CCDC186: variants seen among roughly 807,000 people sequenced by gnomAD.
The protein encoded by CCDC186 is coiled-coil domain containing 186, also known as coiled-coil domain-containing protein 186.
In CCDC186, 49 loss-of-function variants were observed where a neutral mutation model predicts 113.7. That is an observed-to-expected ratio of 0.43 (90% CI 0.34 to 0.55). The LOEUF (loss-of-function observed/expected upper bound fraction) is 0.55. Among genes scored for constraint, CCDC186 ranks in the 20% least tolerant of loss-of-function variants. The pLI is 0.02. For synonymous variants in CCDC186, 355 were observed against 345.8 expected, an observed-to-expected ratio of 1.03 and a Z score of -0.30; for missense variants, 890 against 1,011.1, an observed-to-expected ratio of 0.88 and a Z score of 1.62.
At chr10:114,172,179 CTG>C (rs1281432100) in intron 1 of CCDC186, among the ~76,000 whole-genome samples, 1 of 152,178 alleles carries the variant, frequency 6.6e-6, no homozygotes. Flanking sequence ...TAACACGAAA[CTG>C]TTGCATGAAT....
chr10:114,170,144 C>T (rs571307247), intron 1 of CCDC186, among the ~76,000 whole-genome samples: 70 of 152,062 alleles, frequency 4.6e-4, no homozygotes, highest in African/African-American at 1.6e-3. Context: ...TGTTGTTTCA[C>T]ATGATGAAAA....
chr10:114,150,992 A>G, intron 4 of CCDC186, 100 bp downstream of exon 4: 2 of 1,388,716 alleles, frequency 1.4e-6, no homozygotes, highest in Non-Finnish European at 2.0e-6. Flanking sequence ...TAGTATTAAT[A>G]CAATAGTGAG....
intron 6 of CCDC186, 64 bp downstream of exon 6, chr10:114,144,433 A>G: frequency 1.3e-6 from 2 of 1,546,570 alleles, no homozygotes; most frequent in Non-Finnish European, 1.7e-6. Context: ...AAAAAAAAAC[A>G]AAAACAAAAA....
In CCDC186 at chr10:114,131,264, T is replaced by C. The variant is rs1041047897; in HGVS notation, c.1984A>G (p.Arg662Gly). 7 of 1,604,486 alleles carry C rather than the reference T, an allele frequency of 4.4e-6. No homozygotes were observed. Among genetic ancestry groups the C allele is most frequent in the South Asian group, 1.1e-5 (1 of 89,244 alleles). ...VQTLQAELAC[R>G]QTEVKALSTQ... The stretch of plus-strand genomic sequence containing the variant: ...CTCAATGCTTTAACTTCTGTTTGTC[T>C]ACAAGCGAGTTCAGCTTGCAGAGTT... Residue 662 changes from arginine (R) to glycine (G), a missense_variant, in exon 12 of 16, where the codon AGA becomes GGA. Transcript: ENST00000369287.
intron 3 of CCDC186, among the ~76,000 whole-genome samples, chr10:114,156,630 G>A (rs2032019127): frequency 6.6e-6 from 1 of 152,182 alleles, no homozygotes; most frequent in South Asian, 2.1e-4. Flanking sequence ...CCGAGGCTGA[G>A]GCAGAAGAAT....
At chr10:114,125,861 G>C in intron 15 of CCDC186, 25 bp downstream of exon 15, 2 of 1,585,704 alleles carry the variant, frequency 1.3e-6, no homozygotes, top group Non-Finnish European at 1.7e-6. Context: ...TTACTGGTTG[G>C]TGTGTGAATG....
intron 6 of CCDC186, among the ~76,000 whole-genome samples, chr10:114,141,407 GT>G (rs2031462492): frequency 6.6e-6 from 1 of 152,178 alleles, no homozygotes; most frequent in Admixed American, 6.5e-5. Context: ...TGCTTTTAAA[GT>G]TTTGTTAAGG....
In CCDC186 at chr10:114,162,859, G is replaced by C; in HGVS notation, c.410C>G (p.Ser137Ter). The C allele has an allele frequency of 6.2e-7, 1 of 1,613,912 alleles. No individual in the cohort carries two copies. Among genetic ancestry groups the C allele is most frequent in the East Asian group, 2.2e-5 (1 of 44,850 alleles). The change falls in exon 2 of 16, where the codon TCA becomes TGA. Residue 137 changes from serine (S) to a stop codon, truncating the protein, a stop_gained. Coordinates refer to ENST00000369287, the MANE Select transcript of CCDC186 (RefSeq NM_018017.4). LOFTEE classifies it high-confidence loss of function. ...GCAGTCTGTATCATAGGGGCTTTCT[G>C]AATAAGTCTTTTCATTAGCTGATTC... ...FPESANEKTY[S>*]ESPYDTDCTK...
At chr10:114,165,275 A>G (rs950735373) in intron 1 of CCDC186, among the ~76,000 whole-genome samples, 2 of 152,266 alleles carry the variant, frequency 1.3e-5, no homozygotes. Flanking sequence ...AGACAATACA[A>G]ATAAACGGAG....
chr10:114,135,240 T>G (rs1487106435), intron 9 of CCDC186, among the ~76,000 whole-genome samples, 185 bp from the exon 10 acceptor site: 1 of 152,158 alleles, frequency 6.6e-6, no homozygotes, highest in Non-Finnish European at 1.5e-5. Context: ...CATGGGAGTT[T>G]TAGCATGTCA....
At position 114,131,309 on chromosome 10, in the gene CCDC186, G is replaced by C. The variant is rs745883331; in HGVS notation, c.1939C>G (p.Leu647Val). The change falls in exon 12 of 16, where the codon CTG (leucine) becomes GTG (valine). Residue 647 changes from leucine (L) to valine (V), a missense_variant. By Grantham distance (32) the Leu-to-Val change is conservative. Coordinates refer to ENST00000369287, the MANE Select transcript of CCDC186 (RefSeq NM_018017.4). ...AGAGTTTGGACTTCCTCTTTTCGCA[G>C]TTCTTCCTCTTTCAACAACCTACTT... ...LESRLLKEEELRKEEVQTLQA... is the reference protein window; with the variant it reads ...LESRLLKEEEVRKEEVQTLQA... 3 of 1,586,722 alleles carry C rather than the reference G, an allele frequency of 1.9e-6. No homozygotes were observed. The highest frequency in any genetic ancestry group is 1.4e-5 in the African/African-American group (1 of 73,278).
At chr10:114,144,776 A>G (rs1266318688) in intron 5 of CCDC186, among the ~76,000 whole-genome samples, 160 bp from the exon 6 acceptor site, 3 of 152,160 alleles carry the variant, frequency 2.0e-5, no homozygotes, top group Non-Finnish European at 4.4e-5. Context: ...AAATGAGAAG[A>G]GGGTAGTAAA....
intron 2 of CCDC186, among the ~76,000 whole-genome samples, chr10:114,159,640 CAAAAAAAA>C (rs34339225): frequency 3.6e-5 from 2 of 55,484 alleles, no homozygotes; most frequent in East Asian, 7.1e-4. Flanking sequence ...GACTCCGTCT[CAAAAAAAA>C]AAAAAAAAAA....
rs1405621744 is a variant in CCDC186 at position 114,162,741 on chromosome 10, T to C, written c.528A>G (p.Ala176=). ...IESELLSTEF[A]EHRVPNGMNK... is the part of the protein sequence containing the mutation. ...TCATTCCATTTGGTACTCGATGTTC[T>C]GCAAACTCCGTAGATAAGAGCTCAG... Residue 176 remains alanine, a synonymous_variant, in exon 2 of 16, where the codon GCA becomes GCG. Transcript: ENST00000369287. 8.1e-6 allele frequency: 13 copies of C among 1,614,004 alleles called. No homozygotes were observed. Among genetic ancestry groups the C allele is most frequent in the Non-Finnish European group, 1.1e-5 (13 of 1,179,922 alleles).
At chr10:114,172,777 TC>T (rs2119819902) in intron 1 of CCDC186, among the ~76,000 whole-genome samples, 1 of 152,300 alleles carries the variant, frequency 6.6e-6, no homozygotes, top group East Asian at 1.9e-4. Flanking sequence ...ACCTAGCCAA[TC>T]ATTACTGTTT....
rs1211192933 is a variant in CCDC186 at position 114,121,716 on chromosome 10, G to A, written c.*3427C>T. On this transcript the variant is annotated 3_prime_UTR_variant, in exon 16 of 16. Coordinates refer to ENST00000369287, the MANE Select transcript of CCDC186 (RefSeq NM_018017.4). ...TGAGATTTCTGGGCCACTTGCACAA[G>A]TAGATAAACCCTCTTCTCAGGCCAG... The A allele has an allele frequency of 6.6e-6, 1 of 152,170 alleles. No individual in the cohort carries two copies. The highest frequency in any genetic ancestry group is 2.4e-5 in the African/African-American group (1 of 41,440). 9.4% of individuals were successfully genotyped at this position (152,170 alleles called of 1,614,324 possible). A position where few individuals can be genotyped will look rare whatever the true frequency, so the allele number is the denominator to read the frequency against.
intron 11 of CCDC186, among the ~76,000 whole-genome samples, 183 bp downstream of exon 11, chr10:114,131,746 A>G (rs572541653): frequency 6.6e-6 from 1 of 152,166 alleles, no homozygotes; most frequent in Non-Finnish European, 1.5e-5. Flanking sequence ...TCATTTTAGG[A>G]AGAAATTTTA....
intron 12 of CCDC186, chr10:114,130,284 TCAATTA>T (rs1344192534): frequency 5.3e-6 from 1 of 188,612 alleles, no homozygotes; most frequent in African/African-American, 2.4e-5. Flanking sequence ...AAATTTCCCT[TCAATTA>T]CATCTATAAA....
At chr10:114,155,695 AT>A (rs1241820801) in intron 3 of CCDC186, among the ~76,000 whole-genome samples, 4 of 152,170 alleles carry the variant, frequency 2.6e-5, no homozygotes, top group Non-Finnish European at 5.9e-5. Flanking sequence ...ATAAAATAAA[AT>A]AAAATAAAAA....
Sources: gnomAD v4.1 joint callset for allele counts (sites outside exome capture counted in the v4.1 genomes callset) on GRCh38, gnomAD v4.1.1 for gene constraint, MANE v1.5 for transcripts, NCBI Gene and HGNC (gene_info 2026-07-23, HGNC 2026-07-21) for gene names.